Variants in ATM observed in about 807,000 individuals in gnomAD.
ATM encodes the protein serine-protein kinase ATM.
ATM carries 308 observed loss-of-function variants against 387.0 expected under a neutral mutation model. The ratio of observed to expected loss-of-function variants is 0.80; its 90% CI spans 0.73 to 0.87. The LOEUF (loss-of-function observed/expected upper bound fraction) is 0.87, where lower values mean the gene tolerates loss of function less well. Among genes scored for constraint, ATM ranks in the 40% least tolerant of loss-of-function variants. The pLI is 0.00. For missense variants in ATM, 3,312 were observed against 3,560.9 expected, an observed-to-expected ratio of 0.93 and a Z score of 1.78; for synonymous variants, 1,156 against 1,187.3, an observed-to-expected ratio of 0.97 and a Z score of 0.54.
intron 29 of ATM, among the ~76,000 whole-genome samples, chr11:108,291,411 T>A (rs899196930): frequency 2.0e-5 from 3 of 152,322 alleles, no homozygotes; most frequent in Middle Eastern, 3.4e-3. Flanking sequence ...TTCAGTAGCA[T>A]CAATTACATT....
At chr11:108,260,479 T>G (rs1272274641) in intron 16 of ATM, among the ~76,000 whole-genome samples, 1 of 152,242 alleles carries the variant, frequency 6.6e-6, no homozygotes, top group African/African-American at 2.4e-5. Context: ...GCAGTAGACT[T>G]GCTTGTTCAA....
At chr11:108,317,704 G>A (rs1015519095) in intron 43 of ATM, among the ~76,000 whole-genome samples, 183 bp downstream of exon 43, 2 of 144,768 alleles carry the variant, frequency 1.4e-5, no homozygotes, top group African/African-American at 2.6e-5. Context: ...TATATATAGT[G>A]TGTATGTGTG....
rs116047570 is a variant in ATM at position 108,331,862 on chromosome 11, T to C, written c.7630-17T>C. ...TTTTTGTTTATTTGCATAAATCTAA[T>C]AGTTCTTTTCTTACAGCTAATCTCT... On this transcript the variant is annotated splice_polypyrimidine_tract_variant and intron_variant, in intron 51 of 62. Coordinates refer to ENST00000675843, the MANE Select transcript of ATM (RefSeq NM_000051.4). 4.5e-4 allele frequency: 730 copies of C among 1,611,998 alleles called. 4 individuals carry two copies. In the African/African-American group the frequency reaches 7.9e-3, roughly 17 times the overall value.
chr11:108,318,479 C>CA (rs1387821170), intron 43 of ATM, among the ~76,000 whole-genome samples: 1 of 152,114 alleles, frequency 6.6e-6, no homozygotes, highest in African/African-American at 2.4e-5. Context: ...CACTTGAGAT[C>CA]AGGAGTTTGA....
At chr11:108,359,390 G>A (rs2090431857) in intron 61 of ATM, among the ~76,000 whole-genome samples, 1 of 152,042 alleles carries the variant, frequency 6.6e-6, no homozygotes, top group Non-Finnish European at 1.5e-5. Context: ...AGATCAACGA[G>A]ATAAAAAGTC....
rs2083043508 is a variant in ATM at position 108,295,022 on chromosome 11, T to C, written c.4872T>C (p.His1624=). Residue 1624 remains histidine, a synonymous_variant, in exon 32 of 63, where the codon CAT becomes CAC. Coordinates refer to ENST00000675843, the MANE Select transcript of ATM (RefSeq NM_000051.4). The part of the protein sequence containing the change: ...LKDLRRQLEL[H]KDQMVDIMRA... ...ATCTTCGAAGACAACTGGAACTACA[T>C]AAAGATCAGATGGTGGACATTATGA... is the stretch of plus-strand genomic sequence containing the variant. 1 of 1,613,970 alleles carries C rather than the reference T, an allele frequency of 6.2e-7. No individual in the cohort carries two copies. The highest frequency in any genetic ancestry group is 2.2e-5 in the East Asian group (1 of 44,832).
intron 61 of ATM, among the ~76,000 whole-genome samples, chr11:108,362,886 A>C (rs908815070): frequency 1.3e-5 from 2 of 151,868 alleles, no homozygotes; most frequent in East Asian, 1.9e-4. Flanking sequence ...CCAGCATGGC[A>C]TATGTATACA....
At chr11:108,241,586 C>T (rs2079558070) in intron 5 of ATM, among the ~76,000 whole-genome samples, 1 of 151,918 alleles carries the variant, frequency 6.6e-6, no homozygotes, top group African/African-American at 2.4e-5. Context: ...TTCATATTGC[C>T]ATTTGTCATT....
intron 37 of ATM, among the ~76,000 whole-genome samples, chr11:108,305,802 C>A (rs1322843699): frequency 1.3e-5 from 2 of 152,060 alleles, no homozygotes; most frequent in East Asian, 3.8e-4. Context: ...CTTGAAGGCT[C>A]ATTATGGGTC....
At position 108,250,934 on chromosome 11, in the gene ATM, T is replaced by C. The variant is rs1565383172; in HGVS notation, c.1469T>C (p.Ile490Thr). 7.4e-6 allele frequency: 12 copies of C among 1,614,192 alleles called. No individual in the cohort carries two copies. In the East Asian group the frequency reaches 1.6e-4, roughly 21 times the overall value. Residue 490 changes from isoleucine to threonine, a missense_variant, in exon 10 of 63, where the codon ATT (isoleucine) becomes ACT (threonine). By Grantham distance (89) the Ile-to-Thr change is moderately conservative (BLOSUM62 -1). This residue lies in a region of ATM where 1,791 missense variants were observed against 1,804.5 expected (regional missense o/e 0.99). Transcript: ENST00000675843. ...AAACTCTGGAATAAAATTTGGTGTA[T>C]TACCTTTCGTGGTATAAGTTCTGAG... ...LLKLWNKIWC[I>T]TFRGISSEQI...
chr11:108,344,249 G>T (rs977460726), intron 57 of ATM, among the ~76,000 whole-genome samples: 1 of 152,168 alleles, frequency 6.6e-6, no homozygotes, highest in Non-Finnish European at 1.5e-5. Flanking sequence ...TGCCTGGGGT[G>T]GGGAGAATAG....
At chr11:108,262,055 C>T (rs563354270) in intron 16 of ATM, among the ~76,000 whole-genome samples, 24 of 152,316 alleles carry the variant, frequency 1.6e-4, no homozygotes, top group African/African-American at 5.3e-4. Flanking sequence ...TTGGAAAACA[C>T]TCTGCAGGAT....
At chr11:108,290,019 G>A in intron 29 of ATM, 1 of 462,808 alleles carries the variant, frequency 2.2e-6, no homozygotes, top group South Asian at 2.8e-5. Flanking sequence ...CACCATGCCT[G>A]ACTAATTTTT....
intron 29 of ATM, among the ~76,000 whole-genome samples, chr11:108,291,243 G>A (rs368540220): frequency 9.2e-5 from 14 of 151,766 alleles, no homozygotes; most frequent in African/African-American, 3.4e-4. Context: ...CTCAAGAAAA[G>A]AAAGAAAAAA....
rs2080230745 is a variant in ATM, at chr11:108,252,871, CTG to C, written c.1859_1860del (p.Cys620Ter). 1.2e-6 allele frequency: 2 copies of C among 1,613,002 alleles called. No homozygotes were observed. The highest frequency in any genetic ancestry group is 1.7e-6 in the Non-Finnish European group (2 of 1,179,354). ...TTCTTGTGAGTCTCACTATGAAAAA[CTG>C]TAAAGCTGCAATGAATTTTTTCCAA... ...KILVSLTMKN[C>X]KAAMNFFQSV... On this transcript the variant is annotated frameshift_variant, in exon 12 of 63. Transcript: ENST00000675843. LOFTEE classifies it high-confidence loss of function.
chr11:108,236,998 T>A (rs1257963496), intron 5 of ATM, among the ~76,000 whole-genome samples: 1 of 152,182 alleles, frequency 6.6e-6, no homozygotes, highest in Non-Finnish European at 1.5e-5. Context: ...TGGAAAGTAT[T>A]TAAGCTAAAT....
At chr11:108,320,539 A>C (rs565014023) in intron 44 of ATM, among the ~76,000 whole-genome samples, 38 of 152,334 alleles carry the variant, frequency 2.5e-4, no homozygotes, top group Admixed American at 2.0e-4. Context: ...ACTATCATTT[A>C]AGTGCCTATG....
chr11:108,288,501 C>CTTT (rs35604622), intron 27 of ATM, among the ~76,000 whole-genome samples: 16 of 126,686 alleles, frequency 1.3e-4, no homozygotes, highest in East Asian at 7.1e-4. Flanking sequence ...ATATGCTTTA[C>CTTT]TTTTTTTTTT....
chr11:108,309,039 T>C, intron 38 of ATM: 1 of 1,522,188 alleles, frequency 6.6e-7, no homozygotes, highest in Non-Finnish European at 8.8e-7. Flanking sequence ...TCATATTCCA[T>C]TTTAATGCTG....
Sources: gnomAD v4.1 joint callset for allele counts (sites outside exome capture counted in the v4.1 genomes callset) on GRCh38, gnomAD v4.1.1 for gene constraint, gnomAD v4.1.1 regional missense constraint, MANE v1.5 for transcripts, NCBI Gene and HGNC (gene_info 2026-07-23, HGNC 2026-07-21) for gene names.